Variants in AKAP19 observed in about 807,000 individuals in gnomAD.
AKAP19 encodes small A-kinase anchoring protein.
At chr2:189,931,309 T>C in the AKAP19 span, among the ~76,000 whole-genome samples, 1 of 152,124 alleles carries the variant, frequency 6.6e-6, no homozygotes, top group Non-Finnish European at 1.5e-5. Context: ...ACAATCATAA[T>C]ATAATAATTG....
At chr2:190,084,512 T>C in the AKAP19 span, among the ~76,000 whole-genome samples, 1 of 152,314 alleles carries the variant, frequency 6.6e-6, no homozygotes, top group South Asian at 2.1e-4. Context: ...CCTTATTGAC[T>C]ATTTTTTTGA....
chr2:190,167,139 A>T, the AKAP19 span, among the ~76,000 whole-genome samples: 1 of 152,374 alleles, frequency 6.6e-6, no homozygotes, highest in South Asian at 2.1e-4. Flanking sequence ...AAACAGGTTT[A>T]TTGGACTTAC....
At chr2:189,982,706 G>A in the AKAP19 span, among the ~76,000 whole-genome samples, 1 of 149,044 alleles carries the variant, frequency 6.7e-6, no homozygotes, top group Non-Finnish European at 1.5e-5. Context: ...TTTCCCTTGA[G>A]CATATGACTG....
the AKAP19 span, among the ~76,000 whole-genome samples, chr2:190,147,116 G>C: frequency 4.6e-5 from 7 of 152,274 alleles, 1 homozygote; most frequent in South Asian, 1.5e-3. Flanking sequence ...TTATCTTCTA[G>C]AATTTTTATA....
At chr2:190,110,820 G>A in the AKAP19 span, among the ~76,000 whole-genome samples, 7 of 152,108 alleles carry the variant, frequency 4.6e-5, no homozygotes, top group African/African-American at 1.2e-4. Context: ...TTCCGATGCC[G>A]TGTTACCCAT....
the AKAP19 span, among the ~76,000 whole-genome samples, chr2:189,981,273 C>CTTTTTTTT: frequency 6.2e-5 from 8 of 128,986 alleles, no homozygotes; most frequent in African/African-American, 2.9e-5. Flanking sequence ...CCTTCTTTGT[C>CTTTTTTTT]TTTTTTTTTT....
At chr2:189,966,251 G>A in the AKAP19 span, among the ~76,000 whole-genome samples, 2 of 152,088 alleles carry the variant, frequency 1.3e-5, no homozygotes, top group Admixed American at 6.6e-5. Context: ...GTACTACTCA[G>A]GTGATGGGTG....
the AKAP19 span, among the ~76,000 whole-genome samples, chr2:189,887,205 T>C: frequency 6.6e-6 from 1 of 152,286 alleles, no homozygotes; most frequent in East Asian, 1.9e-4. Context: ...GTGTTCTCAT[T>C]GTTTAACTCC....
chr2:189,984,574 G>A, the AKAP19 span, among the ~76,000 whole-genome samples: 6 of 152,148 alleles, frequency 3.9e-5, no homozygotes, highest in Non-Finnish European at 8.8e-5. Context: ...GTCCTGAGGC[G>A]ACATACATCC....
At chr2:190,117,408 G>A in the AKAP19 span, among the ~76,000 whole-genome samples, 1 of 152,002 alleles carries the variant, frequency 6.6e-6, no homozygotes. Flanking sequence ...TATACAATAG[G>A]TTAGCTTTCA....
the AKAP19 span, among the ~76,000 whole-genome samples, chr2:189,900,254 C>T: frequency 1.3e-5 from 2 of 151,392 alleles, no homozygotes; most frequent in African/African-American, 2.4e-5. Context: ...TTTGTTTCTT[C>T]GGGATAAATT....
the AKAP19 span, among the ~76,000 whole-genome samples, chr2:189,971,451 C>A: frequency 1.3e-5 from 2 of 152,126 alleles, no homozygotes; most frequent in African/African-American, 4.8e-5. Flanking sequence ...CACATGCGTG[C>A]ATGTGTCTTT....
the AKAP19 span, among the ~76,000 whole-genome samples, chr2:190,058,259 AATG>A: frequency 6.6e-6 from 1 of 152,018 alleles, no homozygotes; most frequent in African/African-American, 2.4e-5. Flanking sequence ...CCAATCTTTT[AATG>A]CATTTGAGAC....
chr2:190,065,674 G>A, the AKAP19 span, among the ~76,000 whole-genome samples: 1 of 152,062 alleles, frequency 6.6e-6, no homozygotes, highest in East Asian at 1.9e-4. Flanking sequence ...TAAATGTTAT[G>A]ACCAGAGGCT....
At chr2:190,152,474 C>T in the AKAP19 span, among the ~76,000 whole-genome samples, 20 of 152,316 alleles carry the variant, frequency 1.3e-4, no homozygotes, top group Non-Finnish European at 2.4e-4. Context: ...TGGACTTTTT[C>T]TACTCTGTTT....
chr2:190,079,631 C>T, the AKAP19 span: 4 of 152,002 alleles, frequency 2.6e-5, no homozygotes, highest in Non-Finnish European at 4.4e-5. Context: ...GCCAACATGG[C>T]GAGAGCCCGT....
At chr2:190,081,391 C>T in the AKAP19 span, among the ~76,000 whole-genome samples, 2 of 152,146 alleles carry the variant, frequency 1.3e-5, no homozygotes, top group Non-Finnish European at 2.9e-5. Flanking sequence ...TACCCTGTGA[C>T]TCCATGTCCG....
At chr2:189,976,507 C>T in the AKAP19 span, among the ~76,000 whole-genome samples, 1 of 152,212 alleles carries the variant, frequency 6.6e-6, no homozygotes, top group Admixed American at 6.5e-5. Context: ...TCAAAGCTGT[C>T]AGACAGGGAC....
At chr2:190,198,137 A>C in the AKAP19 span, among the ~76,000 whole-genome samples, 2 of 152,172 alleles carry the variant, frequency 1.3e-5, no homozygotes, top group Admixed American at 1.3e-4. Flanking sequence ...TACAGAACTA[A>C]AGGTAATTAA....
Sources: gnomAD v4.1 joint callset for allele counts (sites outside exome capture counted in the v4.1 genomes callset) on GRCh38, gnomAD v4.1.1 for gene constraint, MANE v1.5 for transcripts, NCBI Gene and HGNC (gene_info 2026-07-23, HGNC 2026-07-21) for gene names.